Variants in SLC9A7 observed in about 807,000 individuals in gnomAD.
SLC9A7 encodes the protein solute carrier family 9 member A7.
In SLC9A7, 19 loss-of-function variants were observed where a neutral mutation model predicts 52.6. The observed-to-expected ratio is 0.36, with a 90% CI of 0.25 to 0.53. SLC9A7 has a LOEUF of 0.53. Ranked by LOEUF, SLC9A7 falls within the 20% of genes least tolerant of loss-of-function variation. The pLI, the probability that SLC9A7 is intolerant of heterozygous loss-of-function variation, is 0.91. For missense variants in SLC9A7, 455 were observed against 597.9 expected (o/e 0.76, Z 2.49); for synonymous variants, 226 against 252.1 (o/e 0.90, Z 0.98).
intron 14 of SLC9A7, among the ~76,000 whole-genome samples, chrX:46,625,750 A>G (rs1350925741): frequency 2.7e-5 from 3 of 110,046 alleles, no homozygotes; most frequent in Non-Finnish European, 5.7e-5. Context: ...TGGAGGGCAA[A>G]AGAGTCAGAG....
chrX:46,701,358 C>T (rs977835363), intron 1 of SLC9A7, among the ~76,000 whole-genome samples: 1 of 111,179 alleles, frequency 9.0e-6, no homozygotes, highest in Non-Finnish European at 1.9e-5. Context: ...GAGGCCGAGG[C>T]GGGTGGATCA....
chrX:46,696,279 C>T (rs1437809627), intron 1 of SLC9A7, among the ~76,000 whole-genome samples: 2 of 111,081 alleles, frequency 1.8e-5, no homozygotes, highest in Non-Finnish European at 3.8e-5. Flanking sequence ...AGCGACTGCG[C>T]CCAGCCTCTC....
chrX:46,633,180 A>G (rs1336913457), intron 13 of SLC9A7, among the ~76,000 whole-genome samples: 1 of 107,068 alleles, frequency 9.3e-6, no homozygotes, highest in Non-Finnish European at 1.9e-5. Context: ...AACTCCTGAC[A>G]GCAGAGAGTC....
chrX:46,630,159 C>A (rs146185270), intron 14 of SLC9A7, among the ~76,000 whole-genome samples: 251 of 111,371 alleles, frequency 2.3e-3, no homozygotes, highest in Middle Eastern at 9.1e-3. Flanking sequence ...CAGGCTGTGG[C>A]CACCCTTAAA....
At chrX:46,691,476 T>G (rs1324484686) in intron 1 of SLC9A7, among the ~76,000 whole-genome samples, 1 of 112,051 alleles carries the variant, frequency 8.9e-6, no homozygotes, top group Non-Finnish European at 1.9e-5. Context: ...TAACTTCACT[T>G]TCCACCTAGC....
rs7879781 is a variant in SLC9A7, at chrX:46,655,430, G to A, written c.1042-1716C>T. Among the ~76,000 whole-genome samples the A allele has an allele frequency of 5.3e-3, 590 of 112,245 alleles. 4 individuals carry two copies. The highest frequency in any genetic ancestry group is 0.018 in the African/African-American group (559 of 30,918). ...TCCCAGCGTGAGCAACGCAGAAGAC[G>A]GGTGATTTCTGCATTTCCATCTGAG... On this transcript the variant is annotated intron_variant, in intron 7 of 16. Transcript: ENST00000616978.
At chrX:46,645,273 T>G (rs920988668) in intron 11 of SLC9A7, among the ~76,000 whole-genome samples, 2 of 112,280 alleles carry the variant, frequency 1.8e-5, no homozygotes, top group Non-Finnish European at 3.8e-5. Flanking sequence ...CACTGGCATA[T>G]TCCTAATATG....
Position 46,631,625 on chromosome X carries a change from G to C in SLC9A7, c.1701C>G (p.Asp567Glu). 8.3e-7 allele frequency: 1 copy of C among 1,209,511 alleles called. No homozygotes were observed. Among genetic ancestry groups the C allele is most frequent in the Non-Finnish European group, 1.1e-6 (1 of 893,799 alleles). Residue 567 changes from aspartate (D) to glutamate (E), a missense_variant, in exon 14 of 17, where the codon GAC (aspartate) becomes GAG (glutamate). Around this residue, in one of 3 missense-constraint regions of SLC9A7, gnomAD observed 146 missense variants for 160.5 expected, o/e 0.91. Coordinates refer to ENST00000616978, the MANE Select transcript of SLC9A7 (RefSeq NM_001257291.2). Reference protein sequence around the residue: ...YFRVGVDPDQDPPPNNDSFQV... With the variant: ...YFRVGVDPDQEPPPNNDSFQV... The stretch of plus-strand genomic sequence containing the variant: ...GAAAGCTGTCGTTGTTGGGTGGTGG[G>C]TCTTGATCGGGGTCAACACCAACTC...
intron 1 of SLC9A7, among the ~76,000 whole-genome samples, chrX:46,744,739 G>A (rs987536067): frequency 2.7e-5 from 3 of 111,805 alleles, no homozygotes; most frequent in Non-Finnish European, 5.6e-5. Context: ...TGTCTCTGAA[G>A]ATATACAGAA....
chrX:46,631,506 G>C (rs1943221114), intron 14 of SLC9A7, 80 bp downstream of exon 14: 1 of 764,745 alleles, frequency 1.3e-6, no homozygotes, highest in Non-Finnish European at 2.0e-6. Context: ...GGATCACATT[G>C]AGGGAATCTA....
chrX:46,658,875 A>C (rs1411312854), intron 7 of SLC9A7, among the ~76,000 whole-genome samples: 1 of 110,669 alleles, frequency 9.0e-6, no homozygotes, highest in African/African-American at 3.3e-5. Context: ...TCATTTTATG[A>C]GGCCAGCATC....
At chrX:46,729,539 C>T (rs1295014247) in intron 1 of SLC9A7, among the ~76,000 whole-genome samples, 2 of 111,212 alleles carry the variant, frequency 1.8e-5, no homozygotes, top group African/African-American at 6.6e-5. Flanking sequence ...TTTGGGAGGC[C>T]GAGATGGGTG....
At chrX:46,703,627 G>A (rs988058311) in intron 1 of SLC9A7, among the ~76,000 whole-genome samples, 4 of 111,345 alleles carry the variant, frequency 3.6e-5, no homozygotes, top group East Asian at 2.8e-4. Context: ...TGGGATAGGC[G>A]ACACCACATT....
intron 1 of SLC9A7, among the ~76,000 whole-genome samples, chrX:46,719,140 T>C (rs1215073847): frequency 9.0e-6 from 1 of 110,750 alleles, no homozygotes; most frequent in Non-Finnish European, 1.9e-5. Context: ...TCCTATCCTT[T>C]GTAGGGACAT....
At chrX:46,608,152 C>T (rs759724182) in intron 16 of SLC9A7, among the ~76,000 whole-genome samples, 5 of 112,614 alleles carry the variant, frequency 4.4e-5, no homozygotes, top group South Asian at 3.7e-4. Flanking sequence ...GCAGATTCCC[C>T]GAGATCAGCC....
intron 14 of SLC9A7, among the ~76,000 whole-genome samples, chrX:46,623,063 A>C (rs2146704236): frequency 8.9e-6 from 1 of 112,716 alleles, no homozygotes; most frequent in South Asian, 3.6e-4. Flanking sequence ...GGAAGAACTT[A>C]GATAAATCCA....
intron 1 of SLC9A7, among the ~76,000 whole-genome samples, chrX:46,692,225 C>T (rs1460740131): frequency 9.0e-6 from 1 of 111,662 alleles, no homozygotes; most frequent in Admixed American, 9.5e-5. Flanking sequence ...GTGTGAGACA[C>T]AAGCCACTGA....
At chrX:46,752,293 A>T (rs1364152746) in intron 1 of SLC9A7, among the ~76,000 whole-genome samples, 1 of 111,886 alleles carries the variant, frequency 8.9e-6, no homozygotes, top group Non-Finnish European at 1.9e-5. Flanking sequence ...ACAAAAAATA[A>T]TAGTAATTCT....
At position 46,675,061 on chromosome X, in the gene SLC9A7, A is replaced by ATGTGTGTGTG. The variant is rs397895552; in HGVS notation, c.604-2444_604-2435dup. On this transcript the variant is annotated intron_variant, in intron 3 of 16. Transcript: ENST00000616978. ...AGAGAGAGAAAGAGAGAGAGAGTGA[A>ATGTGTGTGTG]TGTGTGTGTGTGTGTGTGTGTGTGT... is the stretch of plus-strand genomic sequence containing the variant. 4.1e-3 allele frequency among the ~76,000 whole-genome samples: 281 copies of ATGTGTGTGTG among 68,857 alleles called. 5 individuals carry two copies. Among genetic ancestry groups the ATGTGTGTGTG allele is most frequent in the Non-Finnish European group, 6.6e-3 (222 of 33,604 alleles). 59.8% of individuals were successfully genotyped at this position (68,857 alleles called of 115,157 possible).
Sources: allele counts gnomAD v4.1 joint callset (sites outside exome capture counted in the v4.1 genomes callset), GRCh38; gene constraint gnomAD v4.1.1; regional missense constraint gnomAD v4.1.1; transcripts MANE v1.5; gene names NCBI Gene and HGNC (gene_info 2026-07-23, HGNC 2026-07-21).